The following STX8 variants were observed in gnomAD, a reference collection of about 807,000 sequenced individuals.
The protein encoded by STX8 is syntaxin 8, also known as syntaxin-8.
Under a neutral mutation model 37.5 loss-of-function variants are expected in STX8, and 23 were observed. The ratio of observed to expected loss-of-function variants is 0.61; its 90% CI spans 0.44 to 0.87. The LOEUF (loss-of-function observed/expected upper bound fraction) is 0.87, where lower values mean the gene tolerates loss of function less well. Among genes scored for constraint, STX8 ranks in the 40% least tolerant of loss-of-function variants. The pLI, the probability that STX8 is intolerant of heterozygous loss-of-function variation, is 0.00. For synonymous variants in STX8, 115 were observed against 99.1 expected (o/e 1.16, Z -0.95); for missense variants, 313 against 284.7 (o/e 1.10, Z -0.71).
At chr17:9,317,793 G>A (rs574622525) in intron 7 of STX8, among the ~76,000 whole-genome samples, 127 of 152,006 alleles carry the variant, frequency 8.4e-4, no homozygotes, top group Non-Finnish European at 1.0e-3. Context: ...AAAAAAGTGG[G>A]GCTGTTTTCT....
intron 7 of STX8, among the ~76,000 whole-genome samples, chr17:9,273,652 G>C (rs73976025): frequency 6.6e-6 from 1 of 152,234 alleles, no homozygotes; most frequent in Non-Finnish European, 1.5e-5. Context: ...CTTTGTCTTC[G>C]CAAAGAAAGA....
intron 7 of STX8, among the ~76,000 whole-genome samples, chr17:9,267,101 A>G (rs1907257814): frequency 6.6e-6 from 1 of 152,178 alleles, no homozygotes; most frequent in Admixed American, 6.5e-5. Flanking sequence ...CGCGTGTGTG[A>G]GTTCAGGGTT....
intron 6 of STX8, among the ~76,000 whole-genome samples, chr17:9,476,575 C>T (rs1906113578): frequency 6.6e-6 from 1 of 151,930 alleles, no homozygotes; most frequent in Non-Finnish European, 1.5e-5. Context: ...GGCTCAGCCT[C>T]CCAAGTAGCT....
chr17:9,392,920 G>A (rs1187580716), intron 6 of STX8, among the ~76,000 whole-genome samples: 1 of 151,902 alleles, frequency 6.6e-6, no homozygotes, highest in Non-Finnish European at 1.5e-5. Flanking sequence ...AAAGAGTGTG[G>A]GCCAGAAAAA....
chr17:9,388,070 A>AT (rs573146328), intron 6 of STX8, among the ~76,000 whole-genome samples: 4,994 of 130,296 alleles, frequency 0.038, 108 homozygotes, highest in African/African-American at 0.044. Flanking sequence ...AAACAACTCT[A>AT]TTTTTTTTTT....
chr17:9,496,198 C>T (rs9913519), intron 5 of STX8, among the ~76,000 whole-genome samples: 5,120 of 152,136 alleles, frequency 0.034, 325 homozygotes, highest in African/African-American at 0.12. Context: ...GTCTCCGCCT[C>T]CCCAGTGGCT....
At position 9,423,722 on chromosome 17, in the gene STX8, C is replaced by T. The variant is rs563789630; in HGVS notation, c.542-45069G>A. On this transcript the variant is annotated intron_variant, in intron 6 of 7. Transcript: ENST00000306357. ...TATGAGCTTTCAATTACTTTATTTT[C>T]TTACCCTTGCAGGTCAGTGATCCTC... Among the ~76,000 whole-genome samples, 6 of 152,310 alleles carry T rather than the reference C, an allele frequency of 3.9e-5. No individual in the cohort carries two copies. The South Asian group carries it at 8.3e-4, about 21-fold the overall frequency.
At chr17:9,253,287 G>A (rs1345611179) in intron 7 of STX8, among the ~76,000 whole-genome samples, 2 of 151,634 alleles carry the variant, frequency 1.3e-5, no homozygotes, top group Non-Finnish European at 2.9e-5. Context: ...GGATACGGGT[G>A]TGTGTGTGTA....
intron 5 of STX8, among the ~76,000 whole-genome samples, chr17:9,492,877 C>T (rs533714996): frequency 4.2e-4 from 64 of 152,192 alleles, no homozygotes; most frequent in African/African-American, 1.5e-3. Flanking sequence ...GGGTGGATCA[C>T]GAGGTCAGGA....
chr17:9,284,969 C>A (rs1414662527), intron 7 of STX8, among the ~76,000 whole-genome samples: 1 of 152,154 alleles, frequency 6.6e-6, no homozygotes, highest in Non-Finnish European at 1.5e-5. Context: ...TGGTTTCCAG[C>A]AGGGAACCTT....
intron 7 of STX8, among the ~76,000 whole-genome samples, chr17:9,279,284 T>C (rs548594156): frequency 7.9e-5 from 12 of 152,256 alleles, no homozygotes; most frequent in Non-Finnish European, 5.9e-5. Flanking sequence ...CTCGAACTCC[T>C]GACCTCAGGT....
At chr17:9,330,063 G>A (rs1284385278) in intron 7 of STX8, among the ~76,000 whole-genome samples, 1 of 152,074 alleles carries the variant, frequency 6.6e-6, no homozygotes, top group African/African-American at 2.4e-5. Flanking sequence ...GGGAGGTCCC[G>A]CGGCTTCAAA....
intron 6 of STX8, among the ~76,000 whole-genome samples, chr17:9,486,648 C>T (rs1906610695): frequency 6.6e-6 from 1 of 151,846 alleles, no homozygotes; most frequent in South Asian, 2.1e-4. Context: ...CTCAGGAATT[C>T]AAGACCACTC....
chr17:9,463,260 A>G (rs1443583138), intron 6 of STX8, among the ~76,000 whole-genome samples: 2 of 152,196 alleles, frequency 1.3e-5, no homozygotes, highest in Non-Finnish European at 2.9e-5. Context: ...TCACAGGGAC[A>G]CTATGAGTAT....
intron 6 of STX8, among the ~76,000 whole-genome samples, chr17:9,474,889 T>C (rs1440590796): frequency 1.3e-5 from 2 of 152,090 alleles, no homozygotes; most frequent in Non-Finnish European, 2.9e-5. Context: ...GGAGAATCGC[T>C]TGAATCCAGG....
chr17:9,442,862 G>T (rs1662343025), intron 6 of STX8, among the ~76,000 whole-genome samples: 1 of 152,178 alleles, frequency 6.6e-6, no homozygotes, highest in African/African-American at 2.4e-5. Flanking sequence ...AGACTCCTAA[G>T]AACGTGTGAG....
At chr17:9,480,579 C>A (rs1567578888) in intron 6 of STX8, among the ~76,000 whole-genome samples, 1 of 152,070 alleles carries the variant, frequency 6.6e-6, no homozygotes, top group Non-Finnish European at 1.5e-5. Context: ...GGAAGTCCTT[C>A]CAAAAGATGG....
At chr17:9,307,411 G>T (rs561124315) in intron 7 of STX8, among the ~76,000 whole-genome samples, 1 of 152,110 alleles carries the variant, frequency 6.6e-6, no homozygotes, top group African/African-American at 2.4e-5. Context: ...TCTTCCTCTC[G>T]GGTCAGCCAA....
chr17:9,317,771 G>GAA (rs201309652), intron 7 of STX8, among the ~76,000 whole-genome samples: 7 of 91,968 alleles, frequency 7.6e-5, no homozygotes, highest in Non-Finnish European at 4.8e-5. Context: ...CTCAGAAAAA[G>GAA]AAAAAAAAAA....
Sources: gnomAD v4.1 joint callset for allele counts (sites outside exome capture counted in the v4.1 genomes callset) on GRCh38, gnomAD v4.1.1 for gene constraint, MANE v1.5 for transcripts, NCBI Gene and HGNC (gene_info 2026-07-23, HGNC 2026-07-21) for gene names.